The following PLCB1 variants were observed in gnomAD, a reference collection of about 807,000 sequenced individuals.
PLCB1 encodes the protein phospholipase C beta 1, also known as 1-phosphatidylinositol 4,5-bisphosphate phosphodiesterase beta-1.
In PLCB1, 46 loss-of-function variants were observed where a neutral mutation model predicts 161.8. The observed-to-expected ratio is 0.28, with a 90% CI of 0.22 to 0.36. The LOEUF is 0.36. PLCB1 is among the 10% of genes least tolerant of loss of function. The pLI, the probability that PLCB1 is intolerant of heterozygous loss-of-function variation, is 1.00. For missense variants in PLCB1, 1,016 were observed against 1,472.5 expected (o/e 0.69, Z 5.07); for synonymous variants, 517 against 503.7 (o/e 1.03, Z -0.35).
chr20:8,556,656 G>GGTGTGT lies in PLCB1; in HGVS notation c.247-71597_247-71592dup, dbSNP rs58160557. Among the ~76,000 whole-genome samples, 222 of 141,854 alleles carry GGTGTGT rather than the reference G, an allele frequency of 1.6e-3. 2 individuals are homozygous for GGTGTGT. The highest frequency in any genetic ancestry group is 4.3e-3 in the African/African-American group (165 of 38,600). The allele number at this position is 141,854 out of a possible 152,430, so 93.1% of individuals were successfully genotyped here. ...AAACAGCCAGGCTAGGAGAGGGTTG[G>GGTGTGT]GTGTGTGTGTGTGTGTGTGTGTGTG... On this transcript the variant is annotated intron_variant, in intron 3 of 31. Coordinates refer to ENST00000338037, the MANE Select transcript of PLCB1 (RefSeq NM_015192.4).
intron 3 of PLCB1, among the ~76,000 whole-genome samples, chr20:8,592,447 C>T (rs755319710): frequency 3.9e-5 from 6 of 152,156 alleles, no homozygotes; most frequent in Non-Finnish European, 8.8e-5. Flanking sequence ...GTCTTGGCTT[C>T]ATGTGGGACA....
chr20:8,323,876 C>A (rs1453524221), intron 2 of PLCB1, among the ~76,000 whole-genome samples: 2 of 150,162 alleles, frequency 1.3e-5, no homozygotes, highest in Non-Finnish European at 3.0e-5. Context: ...AAAAAAAAAT[C>A]TGGCTAATTT....
At chr20:8,320,663 C>A (rs180923086) in intron 2 of PLCB1, among the ~76,000 whole-genome samples, 1 of 152,138 alleles carries the variant, frequency 6.6e-6, no homozygotes, top group South Asian at 2.1e-4. Context: ...GTTTTTCATC[C>A]TTCTCTGGCT....
intron 2 of PLCB1, among the ~76,000 whole-genome samples, chr20:8,182,057 A>G (rs1222385407): frequency 6.6e-6 from 1 of 152,220 alleles, no homozygotes; most frequent in African/African-American, 2.4e-5. Flanking sequence ...CACATCTTTT[A>G]GTGAGTGACA....
At chr20:8,516,938 A>C (rs1455066469) in intron 3 of PLCB1, among the ~76,000 whole-genome samples, 4 of 151,996 alleles carry the variant, frequency 2.6e-5, no homozygotes, top group Non-Finnish European at 4.4e-5. Flanking sequence ...CAGACAAATA[A>C]GTAAGATGCT....
chr20:8,661,780 G>A (rs1025771041), intron 9 of PLCB1, among the ~76,000 whole-genome samples: 2 of 150,082 alleles, frequency 1.3e-5, no homozygotes, highest in African/African-American at 4.9e-5. Flanking sequence ...ACAGTCTCTG[G>A]TGTTCTAGTC....
At position 8,644,741 on chromosome 20, in the gene PLCB1, C is replaced by A. The variant is rs1338057198; in HGVS notation, c.385-1361C>A. Among the ~76,000 whole-genome samples, 90 of 138,496 alleles carry A rather than the reference C, an allele frequency of 6.5e-4. No homozygotes were observed. In the East Asian group the frequency reaches 0.013, roughly 20 times the overall value. The allele number at this position is 138,496 out of a possible 152,430, so 90.9% of individuals were successfully genotyped here. ...CCCCCGCCCTGCCAGCCGCCCCGCCCGGGAGGTGAGGGGCGCCTCTGCCCG... is the reference window on the plus strand; with the variant it reads ...CCCCCGCCCTGCCAGCCGCCCCGCCAGGGAGGTGAGGGGCGCCTCTGCCCG... On this transcript the variant is annotated intron_variant, in intron 4 of 31. Coordinates refer to ENST00000338037, the MANE Select transcript of PLCB1 (RefSeq NM_015192.4).
intron 4 of PLCB1, among the ~76,000 whole-genome samples, chr20:8,634,284 C>G (rs1162206918): frequency 6.6e-6 from 1 of 152,168 alleles, no homozygotes. Flanking sequence ...GAAATGCGCT[C>G]TCTAAAAATA....
chr20:8,582,349 A>G (rs1006673127), intron 3 of PLCB1, among the ~76,000 whole-genome samples: 7 of 152,124 alleles, frequency 4.6e-5, no homozygotes, highest in African/African-American at 1.2e-4. Context: ...CCTACACCCA[A>G]TAGTGGCCCG....
At chr20:8,377,047 A>G (rs1290036158) in intron 3 of PLCB1, among the ~76,000 whole-genome samples, 1 of 152,188 alleles carries the variant, frequency 6.6e-6, no homozygotes, top group Non-Finnish European at 1.5e-5. Context: ...ATGTCATTGA[A>G]TGAAGAGTTG....
rs778545828 is a variant in PLCB1 at position 8,218,907 on chromosome 20, A to T, written c.177+68536A>T. Among the ~76,000 whole-genome samples, 90 of 152,120 alleles carry T rather than the reference A, an allele frequency of 5.9e-4. 2 individuals are homozygous for T. The highest frequency in any genetic ancestry group is 2.6e-4 in the Non-Finnish European group (18 of 68,016). Reference sequence around the variant, plus strand: ...CTACATATAATTCCACCTTATATGTAGGTGTGTCAGTGTTTTATTGAGCTG... The same window carrying T: ...CTACATATAATTCCACCTTATATGTTGGTGTGTCAGTGTTTTATTGAGCTG... On this transcript the variant is annotated intron_variant, in intron 2 of 31. Transcript: ENST00000338037.
intron 13 of PLCB1, among the ~76,000 whole-genome samples, chr20:8,717,240 A>G (rs913142743): frequency 6.6e-6 from 1 of 152,200 alleles, no homozygotes; most frequent in Non-Finnish European, 1.5e-5. Context: ...GGCATCTGAA[A>G]AAATGATTTC....
chr20:8,370,397 C>T (rs1986868298), intron 2 of PLCB1, among the ~76,000 whole-genome samples: 1 of 152,198 alleles, frequency 6.6e-6, no homozygotes, highest in Non-Finnish European at 1.5e-5. Flanking sequence ...CCACGTGAAT[C>T]CGCTTCCATC....
intron 31 of PLCB1, among the ~76,000 whole-genome samples, chr20:8,868,245 G>T (rs1987493640): frequency 6.6e-6 from 1 of 152,132 alleles, no homozygotes; most frequent in African/African-American, 2.4e-5. Context: ...GAAAAACCAG[G>T]ATCTTCCAAG....
intron 3 of PLCB1, among the ~76,000 whole-genome samples, chr20:8,626,555 A>G (rs1443665063): frequency 2.6e-5 from 4 of 152,326 alleles, no homozygotes; most frequent in Non-Finnish European, 5.9e-5. Flanking sequence ...AAGCCGGAGA[A>G]TGAGTTGTGT....
Position 8,132,418 on chromosome 20 carries a change from C to T in PLCB1, c.-234C>T, listed in dbSNP as rs2122990984. On this transcript the variant is annotated 5_prime_UTR_variant, in exon 1 of 32. Transcript: ENST00000338037. This position sits in a 1 kb window ranked among gnomAD's most constrained non-coding sequence, Gnocchi z 5.2. ...GAGGCTCCTCATCCACCGCGGGCTC[C>T]AGACCTCGCGTCCCGCCCGGGGCAT... 3.3e-6 allele frequency: 1 copy of T among 300,032 alleles called. No individual in the cohort carries two copies. The highest frequency in any genetic ancestry group is 5.6e-5 in the East Asian group (1 of 17,982). 18.6% of individuals were successfully genotyped at this position (300,032 alleles called of 1,614,324 possible). A position where few individuals can be genotyped will look rare whatever the true frequency, so the allele number is the denominator to read the frequency against.
chr20:8,718,219 A>G (rs917892732), intron 14 of PLCB1, among the ~76,000 whole-genome samples: 2 of 127,754 alleles, frequency 1.6e-5, no homozygotes, highest in African/African-American at 6.1e-5. Flanking sequence ...ACTCCGTCTC[A>G]AAAAAAAAAG....
intron 3 of PLCB1, among the ~76,000 whole-genome samples, chr20:8,414,889 A>G (rs1157668830): frequency 6.6e-6 from 1 of 151,402 alleles, no homozygotes; most frequent in Non-Finnish European, 1.5e-5. Context: ...TATTAGAAAT[A>G]TAGCATCTTG....
chr20:8,817,117 G>A (rs1043433518), intron 31 of PLCB1, among the ~76,000 whole-genome samples: 1 of 152,190 alleles, frequency 6.6e-6, no homozygotes, highest in African/African-American at 2.4e-5. Context: ...CGCATCTGTT[G>A]CTGATATAAT....
Sources: allele counts gnomAD v4.1 joint callset (sites outside exome capture counted in the v4.1 genomes callset), GRCh38; gene constraint gnomAD v4.1.1; non-coding constraint Gnocchi (gnomAD v3.1); transcripts MANE v1.5; gene names NCBI Gene and HGNC (gene_info 2026-07-23, HGNC 2026-07-21).